Variants in PGLYRP3 observed in about 807,000 individuals in gnomAD.
PGLYRP3 encodes the protein peptidoglycan recognition protein 3, also known as peptidoglycan recognition protein I alpha.
Under a neutral mutation model 36.0 loss-of-function variants are expected in PGLYRP3, and 39 were observed. That is an observed-to-expected ratio of 1.08 (90% confidence interval 0.84 to 1.41). The LOEUF (loss-of-function observed/expected upper bound fraction) is 1.41, where lower values mean the gene tolerates loss of function less well. Among genes scored for constraint, PGLYRP3 ranks in the 40% most tolerant of loss-of-function variants. The probability of loss-of-function intolerance (pLI) is 0.00; values close to 1 mark genes in which losing one functional copy is unlikely to be tolerated. For missense variants in PGLYRP3, 407 were observed against 427.9 expected (o/e 0.95, Z 0.43); for synonymous variants, 204 against 172.8 (o/e 1.18, Z -1.42).
chr1:153,311,530 G>C (rs1427844526), intron 1 of PGLYRP3, among the ~76,000 whole-genome samples: 2 of 152,154 alleles, frequency 1.3e-5, no homozygotes, highest in African/African-American at 4.8e-5. Flanking sequence ...TTCTCAATGT[G>C]GGCCCAAGAG....
intron 1 of PGLYRP3, among the ~76,000 whole-genome samples, chr1:153,311,678 T>TC (rs1402837322): frequency 6.6e-6 from 1 of 151,922 alleles, no homozygotes; most frequent in Non-Finnish European, 1.5e-5. Flanking sequence ...ACATCAACTT[T>TC]CCCCCCAATT....
At chr1:153,298,430 G>A (rs1037489154) in intron 7 of PGLYRP3, among the ~76,000 whole-genome samples, 35 of 151,994 alleles carry the variant, frequency 2.3e-4, no homozygotes, top group African/African-American at 7.5e-4. Flanking sequence ...CCAAGCAGGC[G>A]GATCACGAGA....
chr1:153,302,432 C>T lies in PGLYRP3; in HGVS notation c.705G>A (p.Arg235=). The T allele has an allele frequency of 1.2e-6, 2 of 1,614,168 alleles. No homozygotes were observed. The highest frequency in any genetic ancestry group is 1.7e-6 in the Non-Finnish European group (2 of 1,180,038). The change falls in exon 6 of 8, where the codon CGG becomes CGA. Residue 235 remains arginine (R), a synonymous_variant. Transcript: ENST00000683862. The part of the protein sequence containing the change: ...RNIQSFHMDT[R]NFCDIGYHFL... ...ACTGATATCCAATGTCACAAAAGTTCCGTGTGTCCATGTGAAAGGACTGTA... is the reference window on the plus strand; with the variant it reads ...ACTGATATCCAATGTCACAAAAGTTTCGTGTGTCCATGTGAAAGGACTGTA...
chr1:153,300,092 T>G (rs1269564440), intron 6 of PGLYRP3, among the ~76,000 whole-genome samples: 1 of 152,210 alleles, frequency 6.6e-6, no homozygotes, highest in Non-Finnish European at 1.5e-5. Flanking sequence ...TCAGTCTCTC[T>G]GAGTCTGCTA....
rs1659484135 is a variant in PGLYRP3, at chr1:153,298,019, G to C, written c.963C>G (p.Asn321Lys). Reference protein sequence around the residue: ...YLLMGHSDVVNILSPGQALYN... With the variant: ...YLLMGHSDVVKILSPGQALYN... ...ACAAAGCCTGCCCAGGGGACAGGAT[G>C]TTGACCACGTCACTGTGGCCCATCA... is the stretch of plus-strand genomic sequence containing the variant. The change falls in exon 8 of 8, where the codon AAC becomes AAG. Residue 321 changes from asparagine to lysine, a missense_variant. Physicochemically the swap from Asn to Lys is moderately conservative, Grantham distance 94. Coordinates refer to ENST00000683862, the MANE Select transcript of PGLYRP3 (RefSeq NM_052891.3). 2 of 1,614,084 alleles carry C rather than the reference G, an allele frequency of 1.2e-6. No homozygotes were observed. The highest frequency in any genetic ancestry group is 1.7e-6 in the Non-Finnish European group (2 of 1,180,016).
intron 6 of PGLYRP3, 44 bp downstream of exon 6, chr1:153,302,365 A>G (rs1257195984): frequency 5.6e-6 from 9 of 1,598,136 alleles, no homozygotes; most frequent in Middle Eastern, 3.3e-4. Context: ...CCTTCCTACA[A>G]TCCTGAAGAA....
rs1303296567 is a variant in PGLYRP3, at chr1:153,297,919, G to A, written c.*37C>T. ...GGTGAGGGTTGGAGAGACCCAGCAG[G>A]GGAGGGAGGGCAGTCTCAAAGGGAG... is the stretch of plus-strand genomic sequence containing the variant. On this transcript the variant is annotated 3_prime_UTR_variant, in exon 8 of 8. Transcript: ENST00000683862. 2.5e-6 allele frequency: 4 copies of A among 1,604,272 alleles called. No individual in the cohort carries two copies. The South Asian group carries it at 4.4e-5, about 18-fold the overall frequency.
rs369535966 is a variant in PGLYRP3, at chr1:153,304,036, A to C, written c.377-27T>G. 7 of 1,594,402 alleles carry C rather than the reference A, an allele frequency of 4.4e-6. No homozygotes were observed. The African/African-American group carries it at 8.1e-5, about 18-fold the overall frequency. ...TTAAAGAGGAGGACAGGGAGCACAA[A>C]AATGTCAGTAAGAAACTCCACCTAG... is the stretch of plus-strand genomic sequence containing the variant. On this transcript the variant is annotated intron_variant, in intron 4 of 7. Transcript: ENST00000683862.
rs768874450 is a variant in PGLYRP3 at position 153,307,206 on chromosome 1, C to T, written c.117G>A (p.Leu39=). The change falls in exon 3 of 8, where the codon CTG becomes CTA. Residue 39 remains leucine, a synonymous_variant. Transcript: ENST00000683862. ...TGATGTAGGCCACAGGCAGGGTCAG[C>T]AGGGCCCTGCAGGCGAGCGGTCTTG... The part of the protein sequence containing the change: ...WGARPLACRA[L]LTLPVAYIIT... 1.2e-6 allele frequency: 2 copies of T among 1,611,574 alleles called. No individual in the cohort carries two copies. The highest frequency in any genetic ancestry group is 1.7e-6 in the Non-Finnish European group (2 of 1,179,042).
chr1:153,309,192 G>A (rs1659836251), intron 2 of PGLYRP3, among the ~76,000 whole-genome samples: 1 of 152,168 alleles, frequency 6.6e-6, no homozygotes, highest in African/African-American at 2.4e-5. Context: ...TGGCAGCAGT[G>A]ACATTGTTAG....
Position 153,312,652 on chromosome 1 carries a change from C to T in PGLYRP3, c.-51G>A, listed in dbSNP as rs146124005. The stretch of plus-strand genomic sequence containing the variant: ...TCAAACTCACAGATACCTGTGGGTT[C>T]TGTGCTGTTCCAGCCCAGCAGGTCA... On this transcript the variant is annotated 5_prime_UTR_variant, in exon 1 of 8. Transcript: ENST00000683862. Among the ~76,000 whole-genome samples, 76 of 152,132 alleles carry T rather than the reference C, an allele frequency of 5.0e-4. No individual in the cohort carries two copies. The highest frequency in any genetic ancestry group is 3.4e-3 in the Middle Eastern group (1 of 292).
intron 7 of PGLYRP3, among the ~76,000 whole-genome samples, chr1:153,298,719 A>C (rs752724650): frequency 1.4e-4 from 21 of 152,126 alleles, no homozygotes; most frequent in Non-Finnish European, 2.6e-4. Context: ...AGCAGGTATA[A>C]AGCAGATACA....
In PGLYRP3 at chr1:153,302,510, G is replaced by A. The variant is rs112472375; in HGVS notation, c.627C>T (p.Thr209=). 236 of 1,614,066 alleles carry A rather than the reference G, an allele frequency of 1.5e-4. 1 individual carries two copies. The highest frequency in any genetic ancestry group is 1.7e-4 in the Non-Finnish European group (202 of 1,180,040). ...LPAKYVIIIH[T]AGTSCTVSTD... ...TGGATACAGTGCAGCTTGTGCCAGCGGTGTGGATGATGATGACATATTTGG... is the reference window on the plus strand; with the variant it reads ...TGGATACAGTGCAGCTTGTGCCAGCAGTGTGGATGATGATGACATATTTGG... The change falls in exon 6 of 8, where the codon ACC becomes ACT. Residue 209 remains threonine, a synonymous_variant. Coordinates refer to ENST00000683862, the MANE Select transcript of PGLYRP3 (RefSeq NM_052891.3).
At chr1:153,307,877 C>T (rs532535612) in intron 2 of PGLYRP3, among the ~76,000 whole-genome samples, 6 of 152,286 alleles carry the variant, frequency 3.9e-5, no homozygotes, top group Non-Finnish European at 7.4e-5. Context: ...TGAGGGCTCC[C>T]TTTCTCCATT....
chr1:153,306,294 G>A (rs918884531), intron 3 of PGLYRP3, among the ~76,000 whole-genome samples: 1 of 152,208 alleles, frequency 6.6e-6, no homozygotes, highest in African/African-American at 2.4e-5. Context: ...ATGCGGGACA[G>A]CCCCATTCCC....
chr1:153,302,988 A>G (rs1240774562), intron 5 of PGLYRP3, among the ~76,000 whole-genome samples: 2 of 152,260 alleles, frequency 1.3e-5, no homozygotes, highest in Non-Finnish European at 2.9e-5. Flanking sequence ...GACTCTCCGA[A>G]CTGATCACAC....
In PGLYRP3 at chr1:153,299,371, C is replaced by T; in HGVS notation, c.729-140G>A. ...GAGATCTCTTATGTGCCAATGTGGA[C>T]AAGGACAGAAAACAAAACAAAACAA... On this transcript the variant is annotated intron_variant, in intron 6 of 7. Transcript: ENST00000683862. 4 of 702,582 alleles carry T rather than the reference C, an allele frequency of 5.7e-6. No homozygotes were observed. In the South Asian group the frequency reaches 7.2e-5, roughly 13 times the overall value. 43.5% of individuals were successfully genotyped at this position (702,582 alleles called of 1,614,324 possible). A position where few individuals can be genotyped will look rare whatever the true frequency, so the allele number is the denominator to read the frequency against.
chr1:153,302,175 G>A (rs756647957), intron 6 of PGLYRP3, among the ~76,000 whole-genome samples: 2 of 152,148 alleles, frequency 1.3e-5, no homozygotes, highest in Non-Finnish European at 2.9e-5. Context: ...GGCTTCTAAT[G>A]CCTTCTTTTC....
In PGLYRP3 at chr1:153,312,667, C is replaced by G. The variant is rs1345109411; in HGVS notation, c.-66G>C. ...CCTGTGGGTTCTGTGCTGTTCCAGC[C>G]CAGCAGGTCAGGGTGCAGTCGGCTC... On this transcript the variant is annotated 5_prime_UTR_variant, in exon 1 of 8. Transcript: ENST00000683862. Among the ~76,000 whole-genome samples the G allele has an allele frequency of 6.6e-6, 1 of 152,050 alleles. No homozygotes were observed. Among genetic ancestry groups the G allele is most frequent in the Non-Finnish European group, 1.5e-5 (1 of 68,002 alleles).
Sources: allele counts gnomAD v4.1 joint callset (sites outside exome capture counted in the v4.1 genomes callset), GRCh38; gene constraint gnomAD v4.1.1; transcripts MANE v1.5; gene names NCBI Gene and HGNC (gene_info 2026-07-23, HGNC 2026-07-21).